The following TCF12 variants were observed in gnomAD, a reference collection of about 807,000 sequenced individuals.
The protein encoded by TCF12 is transcription factor 12, also known as DNA-binding protein HTF4.
A neutral mutation model predicts 86.0 loss-of-function variants in TCF12; 45 were observed. The ratio of observed to expected loss-of-function variants is 0.52; its 90% CI spans 0.41 to 0.67. The LOEUF (loss-of-function observed/expected upper bound fraction) is 0.67. Ranked by LOEUF, TCF12 falls within the 30% of genes least tolerant of loss-of-function variation. TCF12 has a pLI of 0.00. For synonymous variants in TCF12, 330 were observed against 299.6 expected (o/e 1.10, Z -1.05); for missense variants, 881 against 859.9 (o/e 1.02, Z -0.31).
At chr15:57,230,303 C>T (rs1239459125) in intron 8 of TCF12, among the ~76,000 whole-genome samples, 1 of 151,976 alleles carries the variant, frequency 6.6e-6, no homozygotes, top group Non-Finnish European at 1.5e-5. Flanking sequence ...TTACCTTTCT[C>T]TTCTTCCTGA....
intron 3 of TCF12, among the ~76,000 whole-genome samples, chr15:57,011,482 T>G (rs921898002): frequency 2.6e-5 from 4 of 152,188 alleles, no homozygotes; most frequent in Non-Finnish European, 5.9e-5. Flanking sequence ...GTGAGCCAAT[T>G]AAACCTCTGT....
At chr15:57,244,394 T>A (rs2059764405) in intron 13 of TCF12, among the ~76,000 whole-genome samples, 1 of 152,190 alleles carries the variant, frequency 6.6e-6, no homozygotes, top group African/African-American at 2.4e-5. Flanking sequence ...ATGTGGTTTT[T>A]CTGCCGAGGA....
chr15:57,262,065 T>C, intron 16 of TCF12, 29 bp from the exon 17 acceptor site: 1 of 1,485,566 alleles, frequency 6.7e-7, no homozygotes. Flanking sequence ...CTTAATCTTT[T>C]TTTATTTTTG....
At chr15:57,145,878 A>G (rs2053323075) in intron 5 of TCF12, among the ~76,000 whole-genome samples, 1 of 152,142 alleles carries the variant, frequency 6.6e-6, no homozygotes, top group African/African-American at 2.4e-5. Flanking sequence ...AGCGTTTCTG[A>G]AGCTTTATTG....
chr15:57,118,604 G>C (rs78494348), intron 5 of TCF12, among the ~76,000 whole-genome samples: 5,203 of 152,192 alleles, frequency 0.034, 119 homozygotes, highest in South Asian at 0.056. Context: ...TCAGTTAGTG[G>C]TTGCGTTTTC....
At chr15:57,224,129 G>A (rs1210606690) in intron 8 of TCF12, among the ~76,000 whole-genome samples, 6 of 151,688 alleles carry the variant, frequency 4.0e-5, no homozygotes, top group Admixed American at 1.3e-4. Context: ...ATACTAGAAG[G>A]TATGTTGTCA....
chr15:57,258,406 C>T (rs2060444867), intron 16 of TCF12, among the ~76,000 whole-genome samples: 1 of 152,216 alleles, frequency 6.6e-6, no homozygotes, highest in African/African-American at 2.4e-5. Flanking sequence ...AACAAGGTAA[C>T]TCCATCAAAA....
At chr15:57,069,235 C>A (rs1267273711) in intron 4 of TCF12, among the ~76,000 whole-genome samples, 1 of 152,092 alleles carries the variant, frequency 6.6e-6, no homozygotes. Flanking sequence ...ATTGAGTTCA[C>A]TGATAGGAAA....
intron 13 of TCF12, 52 bp downstream of exon 13, chr15:57,243,602 T>TC: frequency 7.1e-7 from 1 of 1,412,712 alleles, no homozygotes; most frequent in Non-Finnish European, 9.9e-7. Flanking sequence ...TGGAAATATT[T>TC]CTAGTTCATT....
intron 5 of TCF12, among the ~76,000 whole-genome samples, chr15:57,104,607 T>C (rs1250328607): frequency 1.3e-5 from 2 of 151,404 alleles, no homozygotes; most frequent in African/African-American, 4.8e-5. Context: ...AGCTAATTTT[T>C]CTACTTTTAG....
chr15:57,065,028 G>C (rs976322061), intron 4 of TCF12, among the ~76,000 whole-genome samples: 1 of 152,136 alleles, frequency 6.6e-6, no homozygotes, highest in Non-Finnish European at 1.5e-5. Context: ...AAAATGCTGA[G>C]TTAAAATACC....
upstream of TCF12, chr15:56,918,568 C>T (rs1210921021): frequency 1.5e-5 from 4 of 269,762 alleles, no homozygotes; most frequent in East Asian, 1.6e-4. Flanking sequence ...GCCGGCCCCA[C>T]TTCCTAGGCG....
Position 57,168,776 on chromosome 15 carries a change from C to G in TCF12, c.390+2310C>G, listed in dbSNP as rs1012006281. 2.6e-5 allele frequency among the ~76,000 whole-genome samples: 4 copies of G among 152,278 alleles called. No individual in the cohort carries two copies. In the East Asian group the frequency reaches 7.7e-4, roughly 29 times the overall value. ...ACTAAGTTGTGGCCAGGCGCGGTGG[C>G]TCACACCTGTAATCCCAGCACTTTG... On this transcript the variant is annotated intron_variant, in intron 6 of 20. Transcript: ENST00000333725.
At chr15:56,997,232 A>G (rs888385605) in intron 3 of TCF12, among the ~76,000 whole-genome samples, 1 of 152,264 alleles carries the variant, frequency 6.6e-6, no homozygotes, top group African/African-American at 2.4e-5. Context: ...ACATGTGCCT[A>G]TCAGTGGTGG....
At chr15:57,081,663 A>T (rs552470231) in intron 4 of TCF12, among the ~76,000 whole-genome samples, 8 of 152,092 alleles carry the variant, frequency 5.3e-5, no homozygotes, top group Non-Finnish European at 1.2e-4. Flanking sequence ...TCAGCCTCCC[A>T]AGTAGCTGGG....
At chr15:57,104,109 G>C (rs535973349) in intron 5 of TCF12, among the ~76,000 whole-genome samples, 6 of 152,302 alleles carry the variant, frequency 3.9e-5, no homozygotes, top group African/African-American at 1.2e-4. Flanking sequence ...ATTGCAGTAT[G>C]TGTAGATTAT....
At chr15:57,093,199 A>T (rs2049103100) in intron 5 of TCF12, among the ~76,000 whole-genome samples, 4 of 152,216 alleles carry the variant, frequency 2.6e-5, no homozygotes, top group African/African-American at 9.6e-5. Context: ...AGTTAGGTTT[A>T]CAATAAATTA....
chr15:57,149,560 A>G (rs2053597130), intron 5 of TCF12, among the ~76,000 whole-genome samples: 1 of 152,228 alleles, frequency 6.6e-6, no homozygotes, highest in Non-Finnish European at 1.5e-5. Flanking sequence ...AAAACATCTA[A>G]TGTTGGAAAT....
intron 5 of TCF12, among the ~76,000 whole-genome samples, chr15:57,156,456 C>A (rs1001536347): frequency 1.3e-5 from 2 of 152,166 alleles, no homozygotes; most frequent in Non-Finnish European, 2.9e-5. Context: ...TGTTTCATTC[C>A]GTTGGCCTGT....
Sources: gnomAD v4.1 joint callset for allele counts (sites outside exome capture counted in the v4.1 genomes callset) on GRCh38, gnomAD v4.1.1 for gene constraint, MANE v1.5 for transcripts, NCBI Gene and HGNC (gene_info 2026-07-23, HGNC 2026-07-21) for gene names.